Variants in CREB5 observed in about 807,000 individuals in gnomAD.
CREB5 encodes the protein cyclic AMP-responsive element-binding protein 5.
Under a neutral mutation model 57.1 loss-of-function variants are expected in CREB5, and 19 were observed. The observed-to-expected ratio is 0.33, with a 90% CI of 0.23 to 0.49. The LOEUF (loss-of-function observed/expected upper bound fraction) is 0.49, where lower values mean the gene tolerates loss of function less well. CREB5 is among the 20% of genes least tolerant of loss of function. The pLI, the probability that CREB5 is intolerant of heterozygous loss-of-function variation, is 0.99. For synonymous variants in CREB5, 238 were observed against 238.3 expected, an observed-to-expected ratio of 1.00 and a Z score of 0.01; for missense variants, 579 against 671.6, an observed-to-expected ratio of 0.86 and a Z score of 1.52.
intron 5 of CREB5, 70 bp downstream of exon 5, chr7:28,570,607 G>A: frequency 6.5e-6 from 10 of 1,540,206 alleles, no homozygotes; most frequent in Non-Finnish European, 7.9e-6. Context: ...CTTCCTCCTG[G>A]TTTCTGGTGC....
At chr7:28,797,628 T>G (rs563239160) in intron 7 of CREB5, among the ~76,000 whole-genome samples, 1 of 152,344 alleles carries the variant, frequency 6.6e-6, no homozygotes, top group African/African-American at 2.4e-5. Context: ...TCCAAGTGAT[T>G]AAGCCAAGTA....
intron 1 of CREB5, among the ~76,000 whole-genome samples, chr7:28,457,006 C>A (rs562527921): frequency 6.6e-6 from 1 of 152,318 alleles, no homozygotes; most frequent in African/African-American, 2.4e-5. Flanking sequence ...ATTTTGGGGT[C>A]ATTCCTGCTA....
chr7:28,778,290 G>A (rs778767268), intron 7 of CREB5, among the ~76,000 whole-genome samples: 2 of 152,200 alleles, frequency 1.3e-5, no homozygotes, highest in Non-Finnish European at 2.9e-5. Context: ...CCAGTGACAA[G>A]GCATTAGCTT....
intron 7 of CREB5, among the ~76,000 whole-genome samples, chr7:28,755,643 T>C (rs1474460077): frequency 6.6e-6 from 1 of 152,092 alleles, no homozygotes; most frequent in East Asian, 1.9e-4. Context: ...CAACTAATAG[T>C]AATAAGAAAA....
chr7:28,364,806 T>A (rs1786555576), intron 1 of CREB5, among the ~76,000 whole-genome samples: 1 of 152,222 alleles, frequency 6.6e-6, no homozygotes, highest in Non-Finnish European at 1.5e-5. Flanking sequence ...CTACCTGTCA[T>A]CTGCTAGAAA....
chr7:28,650,499 A>C (rs1420273396), intron 5 of CREB5, among the ~76,000 whole-genome samples: 2 of 152,142 alleles, frequency 1.3e-5, no homozygotes, highest in Non-Finnish European at 2.9e-5. Context: ...CAGTCATGCC[A>C]TTTCAATCAC....
At chr7:28,623,741 T>A (rs1415141387) in intron 5 of CREB5, among the ~76,000 whole-genome samples, 1 of 152,206 alleles carries the variant, frequency 6.6e-6, no homozygotes, top group Non-Finnish European at 1.5e-5. Flanking sequence ...TGGTTTTGAA[T>A]TATTTAACAG....
At chr7:28,791,094 A>C (rs1178868832) in intron 7 of CREB5, among the ~76,000 whole-genome samples, 1 of 152,354 alleles carries the variant, frequency 6.6e-6, no homozygotes, top group African/African-American at 2.4e-5. Context: ...TGAAAAGAAG[A>C]ACCCACTTGA....
At chr7:28,433,529 G>A (rs982135577) in intron 1 of CREB5, among the ~76,000 whole-genome samples, 6 of 151,960 alleles carry the variant, frequency 3.9e-5, no homozygotes, top group Non-Finnish European at 7.4e-5. Flanking sequence ...TTAAGATAGG[G>A]TCTGTCTATG....
Position 28,825,388 on chromosome 7 carries a change from G to T in CREB5, c.*6109G>T, listed in dbSNP as rs773662238. On this transcript the variant is annotated 3_prime_UTR_variant, in exon 11 of 11. Transcript: ENST00000357727. ...AATGTTCTCTCTAGAGAGGACATAGGGTTTGGGATCCTCTGAAAAGGCCCA... is the reference window on the plus strand; with the variant it reads ...AATGTTCTCTCTAGAGAGGACATAGTGTTTGGGATCCTCTGAAAAGGCCCA... 97 of 152,542 alleles carry T rather than the reference G, an allele frequency of 6.4e-4. No homozygotes were observed. The highest frequency in any genetic ancestry group is 3.8e-4 in the Non-Finnish European group (26 of 68,038). The allele number at this position is 152,542 out of a possible 1,614,324, so 9.4% of individuals were successfully genotyped here.
intron 5 of CREB5, among the ~76,000 whole-genome samples, chr7:28,643,451 C>A (rs1798759808): frequency 6.6e-6 from 1 of 152,186 alleles, no homozygotes; most frequent in Non-Finnish European, 1.5e-5. Flanking sequence ...AGTGTCTGCC[C>A]TGTTCCCATA....
Position 28,515,962 on chromosome 7 carries a change from C to G in CREB5, c.291+8225C>G, listed in dbSNP as rs10275863. On this transcript the variant is annotated intron_variant, in intron 4 of 10. Coordinates refer to ENST00000357727, the MANE Select transcript of CREB5 (RefSeq NM_182898.4). ...GGCTTATACCTGAAATCTGAGCTCT[C>G]TGGGAGGCCTCGGGGTGAGAGGATC... Among the ~76,000 whole-genome samples, 500 of 151,724 alleles carry G rather than the reference C, an allele frequency of 3.3e-3. 1 individual carries two copies. Among genetic ancestry groups the G allele is most frequent in the Middle Eastern group, 0.014 (4 of 294 alleles).
At chr7:28,560,971 T>TGCGCGTGCGC (rs1491558108) in intron 4 of CREB5, among the ~76,000 whole-genome samples, 3 of 54,022 alleles carry the variant, frequency 5.6e-5, no homozygotes, top group Non-Finnish European at 8.2e-5. Flanking sequence ...CGTGTGTGTG[T>TGCGCGTGCGC]GCGTGTGTGC....
intron 1 of CREB5, among the ~76,000 whole-genome samples, chr7:28,485,581 C>G (rs1791513324): frequency 6.6e-6 from 1 of 152,044 alleles, no homozygotes; most frequent in Non-Finnish European, 1.5e-5. Context: ...GGCCCCATAG[C>G]CAATATGACA....
chr7:28,540,141 G>A (rs192935824), intron 4 of CREB5, among the ~76,000 whole-genome samples: 263 of 152,050 alleles, frequency 1.7e-3, no homozygotes, highest in African/African-American at 6.2e-3. Context: ...TTATAATATC[G>A]ACCACCTGGT....
intron 1 of CREB5, among the ~76,000 whole-genome samples, chr7:28,371,736 C>T (rs754496540): frequency 3.0e-4 from 46 of 152,192 alleles, no homozygotes; most frequent in Non-Finnish European, 5.7e-4. Flanking sequence ...TTTGTCCCCT[C>T]TGCAGGTTGC....
At chr7:28,600,027 G>A (rs1323948423) in intron 5 of CREB5, among the ~76,000 whole-genome samples, 1 of 152,246 alleles carries the variant, frequency 6.6e-6, no homozygotes, top group East Asian at 1.9e-4. Context: ...GGGTGTAGGA[G>A]TGGGAGTGTG....
chr7:28,376,466 C>T (rs1234937294), intron 1 of CREB5, among the ~76,000 whole-genome samples: 2 of 151,984 alleles, frequency 1.3e-5, no homozygotes, highest in African/African-American at 2.4e-5. Context: ...GACGAAGTTT[C>T]GCCATGTTGG....
chr7:28,566,746 A>T (rs1428744616), intron 4 of CREB5, among the ~76,000 whole-genome samples: 1 of 152,082 alleles, frequency 6.6e-6, no homozygotes, highest in East Asian at 1.9e-4. Flanking sequence ...TTTTGAAATT[A>T]CTCTCTGGGT....
Sources: allele counts gnomAD v4.1 joint callset (sites outside exome capture counted in the v4.1 genomes callset), GRCh38; gene constraint gnomAD v4.1.1; transcripts MANE v1.5; gene names NCBI Gene and HGNC (gene_info 2026-07-23, HGNC 2026-07-21).